Variants in KIF20B observed in about 807,000 individuals in gnomAD.
The protein encoded by KIF20B is kinesin-like protein KIF20B.
Under a neutral mutation model 232.5 loss-of-function variants are expected in KIF20B, and 188 were observed. The ratio of observed to expected loss-of-function variants is 0.81; its 90% CI spans 0.72 to 0.91. KIF20B has a LOEUF of 0.91. KIF20B is among the 40% of genes least tolerant of loss of function. KIF20B has a pLI of 0.00. For synonymous variants in KIF20B, 712 were observed against 683.0 expected, an observed-to-expected ratio of 1.04 and a Z score of -0.66; for missense variants, 2,154 against 2,055.9, an observed-to-expected ratio of 1.05 and a Z score of -0.92.
intron 9 of KIF20B, 74 bp from the exon 10 acceptor site, chr10:89,717,350 T>A: frequency 2.2e-6 from 2 of 906,908 alleles, no homozygotes; most frequent in Non-Finnish European, 3.4e-6. Context: ...TAAGATTGAT[T>A]TGAATACTTG....
chr10:89,768,562 T>A (rs968752953), intron 30 of KIF20B, among the ~76,000 whole-genome samples, 171 bp downstream of exon 30: 1 of 152,076 alleles, frequency 6.6e-6, no homozygotes. Context: ...TTTAACACTC[T>A]GCCTGTCAAA....
At chr10:89,713,853 A>G (rs1842883280) in intron 6 of KIF20B, among the ~76,000 whole-genome samples, 194 bp from the exon 7 acceptor site, 1 of 152,124 alleles carries the variant, frequency 6.6e-6, no homozygotes, top group African/African-American at 2.4e-5. Flanking sequence ...ACATGATAAT[A>G]TTCTTTTTCA....
In KIF20B at chr10:89,709,643, GTTATTAAAGTTATTATTACTATATTT is replaced by G. The variant is rs544075097; in HGVS notation, c.351+201_351+226del. Among the ~76,000 whole-genome samples the G allele has an allele frequency of 1.4e-3, 208 of 151,788 alleles. 3 individuals carry two copies. In the East Asian group the frequency reaches 0.034, roughly 25 times the overall value. On this transcript the variant is annotated intron_variant, in intron 4 of 32. Coordinates refer to ENST00000371728, the MANE Select transcript of KIF20B (RefSeq NM_001284259.2). The stretch of plus-strand genomic sequence containing the variant: ...TTGGATGTAAAGAGATCACTGTAGT[GTTATTAAAGTTATTATTACTATATTT>G]TTATTAAAGTTATTATTAATATATT...
chr10:89,747,496 A>T (rs1422815313), intron 23 of KIF20B, among the ~76,000 whole-genome samples: 3 of 151,708 alleles, frequency 2.0e-5, no homozygotes, highest in African/African-American at 7.3e-5. Context: ...CAAATGTCCA[A>T]CAATGATAGA....
chr10:89,715,295 C>T (rs1020983841), intron 8 of KIF20B, 113 bp downstream of exon 8: 2 of 673,576 alleles, frequency 3.0e-6, no homozygotes, highest in African/African-American at 3.7e-5. Context: ...TAATTATTAA[C>T]ATTAAGAGAA....
rs777106636 is a variant in KIF20B at position 89,743,832 on chromosome 10, A to G, written c.3940A>G (p.Lys1314Glu). ...GGTATCTGTAATGCGTGATGAGGAT[A>G]AATTACTGAGGATTAAAATTAATGA... ...KEVSVMRDEDKLLRIKINELE... is the reference protein window; with the variant it reads ...KEVSVMRDEDELLRIKINELE... The change falls in exon 22 of 33, where the codon AAA becomes GAA. Residue 1314 changes from lysine (K) to glutamate (E), a missense_variant. By Grantham distance (56) the Lys-to-Glu change is moderately conservative. Transcript: ENST00000371728. The G allele has an allele frequency of 4.6e-6, 7 of 1,529,644 alleles. No homozygotes were observed. The South Asian group carries it at 8.5e-5, about 19-fold the overall frequency. The allele number at this position is 1,529,644 out of a possible 1,614,324, so 94.8% of individuals were successfully genotyped here.
chr10:89,738,699 ATACT>A (rs1841725963), intron 20 of KIF20B, 82 bp downstream of exon 20: 1 of 1,439,592 alleles, frequency 6.9e-7, no homozygotes, highest in Non-Finnish European at 9.1e-7. Flanking sequence ...TTAGATAGTC[ATACT>A]TAATCTGGTA....
intron 2 of KIF20B, among the ~76,000 whole-genome samples, chr10:89,705,722 C>G (rs1842708737): frequency 1.3e-5 from 2 of 152,156 alleles, no homozygotes; most frequent in South Asian, 4.1e-4. Flanking sequence ...ACTATAATGG[C>G]AGAGTTGAGT....
chr10:89,737,670 A>C lies in KIF20B; in HGVS notation c.2829A>C (p.Ala943=), dbSNP rs748726171. The C allele has an allele frequency of 6.8e-6, 11 of 1,612,858 alleles. No individual in the cohort carries two copies. Among genetic ancestry groups the C allele is most frequent in the South Asian group, 5.5e-5 (5 of 90,914 alleles). ...VQQIQSNYDI[A]IAELHVQKSK... is the part of the protein sequence containing the mutation. ...AAATTCAGTCAAATTATGATATTGCAATTGCTGAATTACATGTGCAGAAAA... is the reference window on the plus strand; with the variant it reads ...AAATTCAGTCAAATTATGATATTGCCATTGCTGAATTACATGTGCAGAAAA... Residue 943 remains alanine (A), a synonymous_variant, in exon 20 of 33, where the codon GCA becomes GCC. Coordinates refer to ENST00000371728, the MANE Select transcript of KIF20B (RefSeq NM_001284259.2).
chr10:89,748,917 G>C (rs1047048604), intron 23 of KIF20B, among the ~76,000 whole-genome samples: 7 of 151,578 alleles, frequency 4.6e-5, no homozygotes, highest in African/African-American at 1.7e-4. Context: ...GTTAAAATCT[G>C]TCAGCATTTT....
In KIF20B at chr10:89,739,025, G is replaced by T; in HGVS notation, c.3844G>T (p.Glu1282Ter). 6.2e-7 allele frequency: 1 copy of T among 1,613,284 alleles called. No individual in the cohort carries two copies. The highest frequency in any genetic ancestry group is 8.5e-7 in the Non-Finnish European group (1 of 1,179,460). ...QNLKADLQRK[E>*]EDYADLKEKL... ...TCTGAAAGCAGATCTTCAGAGGAAG[G>T]AAGAAGATTATGCTGACCTGAAAGA... The change falls in exon 21 of 33, where the codon GAA becomes TAA. Residue 1282 changes from glutamate (E) to a stop codon, truncating the protein, a stop_gained. Coordinates refer to ENST00000371728, the MANE Select transcript of KIF20B (RefSeq NM_001284259.2). LOFTEE classifies it high-confidence loss of function.
rs1321186393 is a variant in KIF20B at position 89,709,871 on chromosome 10, A to G, written c.352-56A>G. On this transcript the variant is annotated intron_variant, in intron 4 of 32. Transcript: ENST00000371728. ...AAACAGTAGTGTTGGGATGGAACAC[A>G]CTATTAATATTAACTTGAATTTTCT... The G allele has an allele frequency of 2.1e-6, 3 of 1,430,666 alleles. No individual in the cohort carries two copies. The African/African-American group carries it at 4.3e-5, about 21-fold the overall frequency. The allele number at this position is 1,430,666 out of a possible 1,614,324, so 88.6% of individuals were successfully genotyped here. A position where few individuals can be genotyped will look rare whatever the true frequency, so the allele number is the denominator to read the frequency against.
chr10:89,718,628 A>G (rs1251263569), intron 11 of KIF20B, 82 bp from the exon 12 acceptor site: 1 of 1,080,156 alleles, frequency 9.3e-7, no homozygotes, highest in Non-Finnish European at 1.4e-6. Context: ...TGGCTTAATT[A>G]TTTCTTTGTA....
chr10:89,705,199 T>C (rs1842696413), intron 1 of KIF20B, 95 bp from the exon 2 acceptor site: 1 of 986,616 alleles, frequency 1.0e-6, no homozygotes, highest in East Asian at 2.4e-5. Flanking sequence ...AATCTAGTTA[T>C]TTGGAGGGAA....
chr10:89,728,905 T>TTGTGTGTGTG (rs71022581), intron 17 of KIF20B, among the ~76,000 whole-genome samples: 4,232 of 137,988 alleles, frequency 0.031, 75 homozygotes, highest in Non-Finnish European at 0.043. Context: ...TCTTTTTTCT[T>TTGTGTGTGTG]TGTGTGTGTG....
At chr10:89,743,211 A>C (rs375534745) in intron 21 of KIF20B, among the ~76,000 whole-genome samples, 1 of 152,308 alleles carries the variant, frequency 6.6e-6, no homozygotes. Flanking sequence ...AACTAGTATA[A>C]GGATGTACCT....
intron 32 of KIF20B, among the ~76,000 whole-genome samples, chr10:89,773,355 A>G (rs1271942630): frequency 1.3e-5 from 2 of 152,048 alleles, no homozygotes; most frequent in African/African-American, 4.8e-5. Context: ...TGCTTAGTGG[A>G]TGAAAGTGAA....
Position 89,726,306 on chromosome 10 carries a change from A to T in KIF20B, c.2015A>T (p.Tyr672Phe). 6.5e-7 allele frequency: 1 copy of T among 1,547,908 alleles called. No individual in the cohort carries two copies. Among genetic ancestry groups the T allele is most frequent in the Non-Finnish European group, 8.7e-7 (1 of 1,145,702 alleles). ...TKVETEETHNYVGFEDIIDSL... is the reference protein window; with the variant it reads ...TKVETEETHNFVGFEDIIDSL... ...TGCTATTTTTAGGAAACACATAATT[A>T]TGTAGGATTTGAAGATATTATTGAT... Residue 672 changes from tyrosine to phenylalanine, a missense_variant, in exon 16 of 33, where the codon TAT becomes TTT. Tyr to Phe is a conservative substitution (Grantham distance 22, BLOSUM62 3). Coordinates refer to ENST00000371728, the MANE Select transcript of KIF20B (RefSeq NM_001284259.2).
intron 3 of KIF20B, 40 bp downstream of exon 3, chr10:89,709,293 C>A (rs1377260339): frequency 6.3e-7 from 1 of 1,585,142 alleles, no homozygotes; most frequent in Admixed American, 1.7e-5. Flanking sequence ...ATTTTACTTT[C>A]ATTTAAAATG....
Sources: gnomAD v4.1 joint callset for allele counts (sites outside exome capture counted in the v4.1 genomes callset) on GRCh38, gnomAD v4.1.1 for gene constraint, MANE v1.5 for transcripts, NCBI Gene and HGNC (gene_info 2026-07-23, HGNC 2026-07-21) for gene names.